TMEM126B: variants seen among roughly 807,000 people sequenced by gnomAD.
TMEM126B encodes the protein transmembrane protein 126B.
In TMEM126B, 19 loss-of-function variants were observed where a neutral mutation model predicts 16.5. The ratio of observed to expected loss-of-function variants is 1.15; its 90% CI spans 0.80 to 1.69. The LOEUF is 1.69. TMEM126B is among the 40% of genes most tolerant of loss of function. The probability of loss-of-function intolerance (pLI) is 0.00; values close to 1 mark genes in which losing one functional copy is unlikely to be tolerated. For synonymous variants in TMEM126B, 104 were observed against 93.2 expected (o/e 1.12, Z -0.67); for missense variants, 293 against 278.7 (o/e 1.05, Z -0.37).
chr11:85,632,754 A>G (rs947669241), intron 2 of TMEM126B, among the ~76,000 whole-genome samples: 1 of 152,132 alleles, frequency 6.6e-6, no homozygotes, highest in Non-Finnish European at 1.5e-5. Flanking sequence ...AAAATTTGGA[A>G]TACTTCCAAC....
At chr11:85,628,745 C>G in intron 1 of TMEM126B, 57 bp downstream of exon 1, 1 of 1,468,150 alleles carries the variant, frequency 6.8e-7, no homozygotes. Context: ...AAAGTGTTGG[C>G]AGACTCTTCT....
chr11:85,630,010 A>G (rs1293075768), intron 1 of TMEM126B, among the ~76,000 whole-genome samples: 1 of 152,178 alleles, frequency 6.6e-6, no homozygotes, highest in Non-Finnish European at 1.5e-5. Flanking sequence ...TACCTTCTGT[A>G]TGTTGATGCC....
At chr11:85,636,018 G>A in intron 4 of TMEM126B, 28 bp from the exon 5 acceptor site, 3 of 1,535,064 alleles carry the variant, frequency 2.0e-6, no homozygotes, top group East Asian at 4.5e-5. Context: ...ATATCCAGGA[G>A]AGGTGATTAA....
chr11:85,636,378 A>T lies in TMEM126B; in HGVS notation c.*149A>T. The T allele has an allele frequency of 2.1e-6, 1 of 471,944 alleles. No individual in the cohort carries two copies. Among genetic ancestry groups the T allele is most frequent in the Non-Finnish European group, 3.6e-6 (1 of 279,684 alleles). 29.2% of individuals were successfully genotyped at this position (471,944 alleles called of 1,614,324 possible). On this transcript the variant is annotated 3_prime_UTR_variant, in exon 5 of 5. Coordinates refer to ENST00000358867, the MANE Select transcript of TMEM126B (RefSeq NM_018480.7). ...ATAGCAAATACTCAAAAAGTATTCA[A>T]TAATTCAATCAATAAATATAAGTTT... is the stretch of plus-strand genomic sequence containing the variant.
chr11:85,629,552 T>A (rs902903932), intron 1 of TMEM126B, among the ~76,000 whole-genome samples: 1 of 152,336 alleles, frequency 6.6e-6, no homozygotes, highest in Non-Finnish European at 1.5e-5. Context: ...GTTTTCCCTA[T>A]AGAGACTTTA....
intron 3 of TMEM126B, 181 bp downstream of exon 3, chr11:85,634,460 A>AT (rs1206891692): frequency 9.7e-6 from 5 of 516,288 alleles, no homozygotes; most frequent in East Asian, 7.0e-5. Context: ...GGTAAACTGT[A>AT]TTTTTTTATT....
Position 85,634,233 on chromosome 11 carries a change from T to C in TMEM126B, c.351T>C (p.Ser117=). ...CATTGGCTACACTTCCATTTTTGTC[T>C]ACTGTTGTTACTGACAAGCTTTTTG... ...YASLATLPFL[S]TVVTDKLFVI... is the part of the protein sequence containing the mutation. Residue 117 remains serine (S), a synonymous_variant, in exon 3 of 5, where the codon TCT becomes TCC. Coordinates refer to ENST00000358867, the MANE Select transcript of TMEM126B (RefSeq NM_018480.7). 6.2e-7 allele frequency: 1 copy of C among 1,613,760 alleles called. No individual in the cohort carries two copies. The highest frequency in any genetic ancestry group is 1.7e-4 in the Middle Eastern group (1 of 6,056).
intron 1 of TMEM126B, chr11:85,629,135 TTTTG>T (rs1264468777): frequency 1.0e-6 from 1 of 990,082 alleles, no homozygotes; most frequent in East Asian, 6.0e-5. Context: ...TTGCCAGCTT[TTTTG>T]TTCTGAACTC....
chr11:85,631,726 CCTT>C lies in TMEM126B; in HGVS notation c.124_126del (p.Ser42del), dbSNP rs1565791021. ...AGCATCTATGCATGGTCAGCCCAGT[CCTT>C]CTCTAGAAGATGCAAAACTCAGAAG... On this transcript the variant is annotated inframe_deletion, in exon 2 of 5. Coordinates refer to ENST00000358867, the MANE Select transcript of TMEM126B (RefSeq NM_018480.7). 14 of 1,613,228 alleles carry C rather than the reference CCTT, an allele frequency of 8.7e-6. No homozygotes were observed. The highest frequency in any genetic ancestry group is 2.2e-5 in the East Asian group (1 of 44,844).
chr11:85,635,548 ATTCT>A (rs1209799331), intron 3 of TMEM126B, 115 bp from the exon 4 acceptor site: 22 of 616,298 alleles, frequency 3.6e-5, no homozygotes, highest in Non-Finnish European at 5.5e-5. Flanking sequence ...AATTTCTAAT[ATTCT>A]TTCTATGGTT....
Position 85,628,596 on chromosome 11 carries a change from T to G in TMEM126B, c.-12T>G, listed in dbSNP as rs1043050302. On this transcript the variant is annotated 5_prime_UTR_variant, in exon 1 of 5. The change abolishes an upstream ATG in the 5' untranslated region. Transcript: ENST00000358867. ...GGTCCCCGCCCACCGGCAAGTCACA[T>G]GAGCCACCAAAATGGTGGTGTTCGG... The G allele has an allele frequency of 1.3e-6, 2 of 1,535,506 alleles. No homozygotes were observed. Among genetic ancestry groups the G allele is most frequent in the African/African-American group, 1.4e-5 (1 of 73,032 alleles).
At chr11:85,628,810 C>T in intron 1 of TMEM126B, 122 bp downstream of exon 1, 1 of 973,380 alleles carries the variant, frequency 1.0e-6, no homozygotes, top group Non-Finnish European at 1.6e-6. Context: ...CAAGTCCATG[C>T]AAGGAGCAGT....
At chr11:85,629,089 T>G (rs1465180876) in intron 1 of TMEM126B, 1 of 618,380 alleles carries the variant, frequency 1.6e-6, no homozygotes, top group Non-Finnish European at 2.7e-6. Context: ...GTTGTTGGGT[T>G]TTTCGTTTAT....
chr11:85,628,823 AT>A, intron 1 of TMEM126B, 135 bp downstream of exon 1: 1 of 860,334 alleles, frequency 1.2e-6, no homozygotes, highest in East Asian at 2.7e-5. Flanking sequence ...GGAGCAGTCG[AT>A]TAAGTCTCCA....
intron 3 of TMEM126B, chr11:85,634,935 A>C (rs979098123): frequency 1.3e-5 from 2 of 152,370 alleles, no homozygotes; most frequent in Admixed American, 1.3e-4. Context: ...AGTATTGTGT[A>C]CACTGATAAT....
chr11:85,634,109 C>G lies in TMEM126B; in HGVS notation c.227C>G (p.Ala76Gly), dbSNP rs140327341. The G allele has an allele frequency of 6.2e-7, 1 of 1,612,788 alleles. No individual in the cohort carries two copies. The highest frequency in any genetic ancestry group is 2.2e-5 in the East Asian group (1 of 44,778). The change falls in exon 3 of 5, where the codon GCG becomes GGG. Residue 76 changes from alanine to glycine, a missense_variant. Transcript: ENST00000358867. ...KEMTQNIYQM[A>G]TFGTTAGFSG... Reference sequence around the variant, plus strand: ...AGGACACAAAATATATATCAAATGGCGACATTTGGAACAACAGCTGGTTTC... The same window carrying G: ...AGGACACAAAATATATATCAAATGGGGACATTTGGAACAACAGCTGGTTTC...
At chr11:85,631,582 C>T (rs2082297382) in intron 1 of TMEM126B, 105 bp from the exon 2 acceptor site, 1 of 1,314,328 alleles carries the variant, frequency 7.6e-7, no homozygotes, top group Admixed American at 2.7e-5. Context: ...ACCTGGCACA[C>T]TACTAAACTG....
At chr11:85,629,220 G>C in intron 1 of TMEM126B, 1 of 1,289,406 alleles carries the variant, frequency 7.8e-7, no homozygotes, top group Non-Finnish European at 1.0e-6. Flanking sequence ...CATATACCAC[G>C]TGCTCCCTAA....
chr11:85,635,823 T>TTC, intron 4 of TMEM126B, 45 bp downstream of exon 4: 1 of 657,016 alleles, frequency 1.5e-6, no homozygotes, highest in Non-Finnish European at 2.1e-6. Context: ...TTTCTTTTCT[T>TTC]TTTTTTTTTT....
Sources: gnomAD v4.1 joint callset for allele counts (sites outside exome capture counted in the v4.1 genomes callset) on GRCh38, gnomAD v4.1.1 for gene constraint, MANE v1.5 for transcripts, NCBI Gene and HGNC (gene_info 2026-07-23, HGNC 2026-07-21) for gene names.